Variants in RPS6KA3 observed in about 807,000 individuals in gnomAD.
RPS6KA3 encodes the protein ribosomal protein S6 kinase alpha-3.
Under a neutral mutation model 67.2 loss-of-function variants are expected in RPS6KA3, and 4 were observed. The ratio of observed to expected loss-of-function variants is 0.06; its 90% confidence interval spans 0.03 to 0.14. The LOEUF (loss-of-function observed/expected upper bound fraction) is 0.14, where lower values mean the gene tolerates loss of function less well. RPS6KA3 is among the 10% of genes least tolerant of loss of function. RPS6KA3 has a pLI of 1.00. For missense variants in RPS6KA3, 204 were observed against 559.0 expected (o/e 0.36, Z 6.40); for synonymous variants, 182 against 183.7 (o/e 0.99, Z 0.07).
At chrX:20,212,801 C>A (rs1301895087) in intron 2 of RPS6KA3, among the ~76,000 whole-genome samples, 1 of 111,439 alleles carries the variant, frequency 9.0e-6, no homozygotes, top group Non-Finnish European at 1.9e-5. Context: ...CATACCGAAA[C>A]ACTTACTATG....
chrX:20,177,053 G>C lies in RPS6KA3; in HGVS notation c.877C>G (p.Pro293Ala), dbSNP rs1314565638. The C allele has an allele frequency of 8.3e-7, 1 of 1,207,406 alleles. No homozygotes were observed. The highest frequency in any genetic ancestry group is 2.2e-5 in the Admixed American group (1 of 46,035). Residue 293 changes from proline (P) to alanine (A), a missense_variant, in exon 11 of 22, where the codon CCT (proline) becomes GCT (alanine). Physicochemically the swap from Pro to Ala is conservative, Grantham distance 27. Coordinates refer to ENST00000379565, the MANE Select transcript of RPS6KA3 (RefSeq NM_004586.3). ...AKLGMPQFLS[P>A]EAQSLLRMLF... ...ATTCGTAAAAGACTCTGCGCTTCAG[G>C]ACTCAAAAACTGTGGCATTCCAAGT...
intron 2 of RPS6KA3, among the ~76,000 whole-genome samples, chrX:20,231,630 T>C (rs1393493264): frequency 1.8e-5 from 2 of 112,189 alleles, no homozygotes; most frequent in Non-Finnish European, 1.9e-5. Flanking sequence ...CAAAAAGGTA[T>C]GTTCAAGTAA....
rs948833135 is a variant in RPS6KA3, at chrX:20,152,112, A to C, written c.*3286T>G. ...TACACACCACAGCTTCTCTCCAGAC[A>C]ATCATAACTGACTTTTCACACACAC... On this transcript the variant is annotated 3_prime_UTR_variant, in exon 22 of 22. Coordinates refer to ENST00000379565, the MANE Select transcript of RPS6KA3 (RefSeq NM_004586.3). 1 of 112,184 alleles carries C rather than the reference A, an allele frequency of 8.9e-6. No individual in the cohort carries two copies. The highest frequency in any genetic ancestry group is 3.3e-5 in the African/African-American group (1 of 30,752). 9.2% of individuals were successfully genotyped at this position (112,184 alleles called of 1,213,427 possible). A position where few individuals can be genotyped will look rare whatever the true frequency, so the allele number is the denominator to read the frequency against.
intron 1 of RPS6KA3, among the ~76,000 whole-genome samples, chrX:20,261,461 C>T (rs1259877244): frequency 1.8e-5 from 2 of 111,909 alleles, no homozygotes; most frequent in Non-Finnish European, 3.8e-5. Context: ...TTTGGTGTGC[C>T]AAAGTTTATC....
At chrX:20,218,903 G>C (rs1376776914) in intron 2 of RPS6KA3, 1 of 972,899 alleles carries the variant, frequency 1.0e-6, no homozygotes, top group African/African-American at 1.9e-5. Flanking sequence ...GAAAGGGAAG[G>C]CCAAGCCCCT....
chrX:20,164,815 AATT>A, intron 18 of RPS6KA3, 81 bp downstream of exon 18: 2 of 737,458 alleles, frequency 2.7e-6, no homozygotes, highest in East Asian at 3.4e-5. Context: ...TCTTCAATTA[AATT>A]ATTATTAATA....
intron 2 of RPS6KA3, among the ~76,000 whole-genome samples, chrX:20,222,596 A>G (rs1368444061): frequency 6.3e-5 from 7 of 111,696 alleles, no homozygotes; most frequent in Non-Finnish European, 1.3e-4. Flanking sequence ...CTGCTTCTAA[A>G]TTTTCCCTGT....
intron 7 of RPS6KA3, among the ~76,000 whole-genome samples, chrX:20,191,051 T>C (rs1185065556): frequency 9.1e-6 from 1 of 110,337 alleles, no homozygotes; most frequent in Non-Finnish European, 1.9e-5. Context: ...CCCCGGTGTG[T>C]GGTGTTCCCC....
In RPS6KA3 at chrX:20,154,719, C is replaced by CA. The variant is rs1569183819; in HGVS notation, c.*678dup. ...CAAACAAATGAACGAACCAGTGAAA[C>CA]AGACGTGGGGAAAGATATGTACATT... On this transcript the variant is annotated 3_prime_UTR_variant, in exon 22 of 22. Transcript: ENST00000379565. 1.8e-5 allele frequency: 2 copies of CA among 113,430 alleles called. No individual in the cohort carries two copies. 9.3% of individuals were successfully genotyped at this position (113,430 alleles called of 1,213,427 possible).
chrX:20,183,274 C>G (rs1197544161), intron 10 of RPS6KA3, among the ~76,000 whole-genome samples: 1 of 110,821 alleles, frequency 9.0e-6, no homozygotes, highest in African/African-American at 3.3e-5. Context: ...GTGGCATGAT[C>G]ATGGCTCACT....
At chrX:20,228,161 T>C (rs1015449115) in intron 2 of RPS6KA3, among the ~76,000 whole-genome samples, 4 of 112,331 alleles carry the variant, frequency 3.6e-5, no homozygotes, top group African/African-American at 9.7e-5. Flanking sequence ...AACTTGCTTT[T>C]TCCCTGCATT....
In RPS6KA3 at chrX:20,204,080, T is replaced by G; in HGVS notation, c.267A>C (p.Ser89=). The G allele has an allele frequency of 8.3e-7, 1 of 1,201,858 alleles. No homozygotes were observed. The highest frequency in any genetic ancestry group is 1.1e-6 in the Non-Finnish European group (1 of 886,419). The stretch of plus-strand genomic sequence containing the variant: ...CATAAAGCTGCCTAGCATCAGAGCC[T>G]GAGATTTTTTTAACTAAGAAAACCT... ...FGKVFLVKKI[S]GSDARQLYAM... The change falls in exon 4 of 22, where the codon TCA becomes TCC. Residue 89 remains serine (S), a synonymous_variant. Transcript: ENST00000379565.
chrX:20,196,192 A>G (rs1370979231), intron 4 of RPS6KA3, among the ~76,000 whole-genome samples: 2 of 112,978 alleles, frequency 1.8e-5, no homozygotes, highest in African/African-American at 6.4e-5. Context: ...ATGTGAAGGC[A>G]TGAATGACAA....
At chrX:20,176,117 C>G in intron 13 of RPS6KA3, 133 bp downstream of exon 13, 1 of 494,000 alleles carries the variant, frequency 2.0e-6, no homozygotes. Context: ...GCGATCTGCT[C>G]GCCTCAGCCT....
chrX:20,168,997 C>T (rs953519459), intron 16 of RPS6KA3, among the ~76,000 whole-genome samples: 1 of 110,984 alleles, frequency 9.0e-6, no homozygotes, highest in East Asian at 2.8e-4. Flanking sequence ...CGACTATAGG[C>T]ATGAGCCACC....
At chrX:20,195,798 T>C (rs753845085) in intron 4 of RPS6KA3, among the ~76,000 whole-genome samples, 9 of 112,216 alleles carry the variant, frequency 8.0e-5, no homozygotes, top group African/African-American at 2.9e-4. Flanking sequence ...AAGATACTTA[T>C]TTAAATTCTT....
intron 2 of RPS6KA3, among the ~76,000 whole-genome samples, chrX:20,210,422 C>T (rs2068684334): frequency 8.9e-6 from 1 of 111,875 alleles, no homozygotes; most frequent in African/African-American, 3.2e-5. Context: ...GTAAACATAA[C>T]TAATCCATTG....
intron 2 of RPS6KA3, among the ~76,000 whole-genome samples, chrX:20,223,260 A>G (rs2069028247): frequency 9.0e-6 from 1 of 111,710 alleles, no homozygotes; most frequent in South Asian, 3.7e-4. Context: ...CATTTTCGGG[A>G]CTATGCTAAT....
intron 1 of RPS6KA3, among the ~76,000 whole-genome samples, chrX:20,245,326 G>C (rs1350527676): frequency 1.8e-5 from 2 of 112,067 alleles, no homozygotes; most frequent in African/African-American, 6.5e-5. Context: ...GTTTAAAGCT[G>C]TTTTTAACGT....
Sources: gnomAD v4.1 joint callset for allele counts (sites outside exome capture counted in the v4.1 genomes callset) on GRCh38, gnomAD v4.1.1 for gene constraint, MANE v1.5 for transcripts, NCBI Gene and HGNC (gene_info 2026-07-23, HGNC 2026-07-21) for gene names.